The following TM7SF3 variants were observed in gnomAD, a reference collection of about 807,000 sequenced individuals.
The protein encoded by TM7SF3 is transmembrane 7 superfamily member 3, also known as seven span transmembrane protein.
TM7SF3 carries 60 observed loss-of-function variants against 65.5 expected under a neutral mutation model. The observed-to-expected ratio is 0.92, with a 90% CI of 0.74 to 1.14. The LOEUF (loss-of-function observed/expected upper bound fraction) is 1.14, where lower values mean the gene tolerates loss of function less well. Among genes scored for constraint, TM7SF3 ranks in the 50% most tolerant of loss-of-function variants. The pLI, the probability that TM7SF3 is intolerant of heterozygous loss-of-function variation, is 0.00. For synonymous variants in TM7SF3, 264 were observed against 259.6 expected (o/e 1.02, Z -0.16); for missense variants, 623 against 684.8 (o/e 0.91, Z 1.01).
At chr12:26,978,077 C>T in intron 9 of TM7SF3, 1 of 452,272 alleles carries the variant, frequency 2.2e-6, no homozygotes, top group Non-Finnish European at 4.4e-6. Flanking sequence ...GCATGGGTGA[C>T]AGAAAGAGAT....
rs1189398934 is a variant in TM7SF3 at position 26,971,772 on chromosome 12, ATTT to A, written c.*2190_*2192del. The A allele has an allele frequency of 1.3e-5, 2 of 152,194 alleles. No individual in the cohort carries two copies. Among genetic ancestry groups the A allele is most frequent in the Non-Finnish European group, 2.9e-5 (2 of 68,034 alleles). 9.4% of individuals were successfully genotyped at this position (152,194 alleles called of 1,614,324 possible). ...TATAACTTTGTCCCTACAGTAAATAATTTTTTAAAACTTTTCATCAAGTTTCAG... is the reference window on the plus strand; with the variant it reads ...TATAACTTTGTCCCTACAGTAAATAATTTAAAACTTTTCATCAAGTTTCAG... On this transcript the variant is annotated 3_prime_UTR_variant, in exon 12 of 12. Transcript: ENST00000343028.
intron 1 of TM7SF3, among the ~76,000 whole-genome samples, chr12:27,006,411 A>G (rs1941039112): frequency 6.6e-6 from 1 of 152,182 alleles, no homozygotes; most frequent in East Asian, 1.9e-4. Flanking sequence ...TGTTGGGATT[A>G]CAAGCATGAG....
chr12:26,993,641 T>C (rs950393438), intron 5 of TM7SF3, among the ~76,000 whole-genome samples: 1 of 152,216 alleles, frequency 6.6e-6, no homozygotes, highest in Non-Finnish European at 1.5e-5. Flanking sequence ...GGATGCTACT[T>C]AGACACCCTA....
chr12:27,002,797 C>G (rs1028491420), intron 2 of TM7SF3, among the ~76,000 whole-genome samples: 33 of 152,118 alleles, frequency 2.2e-4, no homozygotes, highest in Middle Eastern at 3.4e-3. Flanking sequence ...TTGTTGTTTG[C>G]GTGACAGAGT....
At chr12:27,011,231 C>A (rs1199830302) in intron 1 of TM7SF3, among the ~76,000 whole-genome samples, 1 of 152,188 alleles carries the variant, frequency 6.6e-6, no homozygotes, top group East Asian at 1.9e-4. Context: ...GAACAGCCTG[C>A]TACCTTGGTA....
chr12:26,998,743 C>T (rs1409304544), intron 3 of TM7SF3, among the ~76,000 whole-genome samples: 3 of 152,332 alleles, frequency 2.0e-5, no homozygotes, highest in Admixed American at 6.5e-5. Flanking sequence ...TCCATCCCCA[C>T]ACTACTTCTA....
Position 26,982,554 on chromosome 12 carries a change from G to A in TM7SF3, c.955+219C>T, listed in dbSNP as rs1193943221. 4.6e-5 allele frequency among the ~76,000 whole-genome samples: 7 copies of A among 152,220 alleles called. No homozygotes were observed. In the East Asian group the frequency reaches 9.6e-4, roughly 21 times the overall value. On this transcript the variant is annotated intron_variant, in intron 7 of 11. Coordinates refer to ENST00000343028, the MANE Select transcript of TM7SF3 (RefSeq NM_016551.3). Reference sequence around the variant, plus strand: ...AGCTGATAAAATTCACTGCATAATTGTATTCCCCTGTTAATAAGAGAAGGT... The same window carrying A: ...AGCTGATAAAATTCACTGCATAATTATATTCCCCTGTTAATAAGAGAAGGT...
At chr12:26,984,949 G>C (rs1055603768) in intron 6 of TM7SF3, among the ~76,000 whole-genome samples, 2 of 152,164 alleles carry the variant, frequency 1.3e-5, no homozygotes, top group South Asian at 4.1e-4. Flanking sequence ...AGGCAATATG[G>C]ATATAGTCTC....
At chr12:27,012,863 T>C (rs549793037) in intron 1 of TM7SF3, 134 of 374,496 alleles carry the variant, frequency 3.6e-4, no homozygotes, top group East Asian at 6.6e-4. Flanking sequence ...CTGGGTGTGG[T>C]GGCGGGCGCC....
chr12:26,992,936 G>T (rs1940437698), intron 5 of TM7SF3, among the ~76,000 whole-genome samples: 1 of 139,396 alleles, frequency 7.2e-6, no homozygotes, highest in Non-Finnish European at 1.5e-5. Context: ...TTGAGACAGG[G>T]TCTCACTCTG....
In TM7SF3 at chr12:26,974,220, A is replaced by G. The variant is rs370925155; in HGVS notation, c.1458T>C (p.Ile486=). The G allele has an allele frequency of 7.4e-6, 12 of 1,613,680 alleles. No homozygotes were observed. The highest frequency in any genetic ancestry group is 1.0e-5 in the Non-Finnish European group (12 of 1,179,804). ...TNVPFQTNDF[I]ILAVWGMLAV... is the part of the protein sequence containing the mutation. ...CCAGCATGCCCCATACTGCCAGGAT[A>G]ATGAAGTCTAAAAAACAGTAGAAAA... Residue 486 remains isoleucine, a synonymous_variant, in exon 12 of 12, where the codon ATT becomes ATC. Coordinates refer to ENST00000343028, the MANE Select transcript of TM7SF3 (RefSeq NM_016551.3).
intron 7 of TM7SF3, among the ~76,000 whole-genome samples, chr12:26,981,937 AACTCACTGTACACTGC>A (rs1939834523): frequency 6.6e-6 from 1 of 152,334 alleles, no homozygotes; most frequent in Non-Finnish European, 1.5e-5. Flanking sequence ...AGACATTTCA[AACTCACTGTACACTGC>A]AGCCCCATAG....
chr12:26,999,782 A>AC, intron 2 of TM7SF3, 106 bp from the exon 3 acceptor site: 1 of 1,196,152 alleles, frequency 8.4e-7, no homozygotes, highest in Non-Finnish European at 1.2e-6. Context: ...CAAAACAAAT[A>AC]GAAAAAAAAA....
intron 1 of TM7SF3, among the ~76,000 whole-genome samples, chr12:27,007,223 A>G (rs772918243): frequency 3.3e-5 from 5 of 152,202 alleles, no homozygotes; most frequent in African/African-American, 1.2e-4. Context: ...GGATTTCCCA[A>G]AAGCTACAGG....
chr12:27,012,445 C>G (rs551277792), intron 1 of TM7SF3, among the ~76,000 whole-genome samples: 1 of 152,228 alleles, frequency 6.6e-6, no homozygotes, highest in East Asian at 1.9e-4. Context: ...TGCACAAGGG[C>G]TTTTCAAAGA....
At chr12:27,009,236 C>T (rs1203000132) in intron 1 of TM7SF3, among the ~76,000 whole-genome samples, 1 of 152,164 alleles carries the variant, frequency 6.6e-6, no homozygotes, top group Admixed American at 6.5e-5. Flanking sequence ...TGATCCTTTA[C>T]ATTTCCATAT....
chr12:26,996,089 G>A (rs1940584017), intron 4 of TM7SF3, among the ~76,000 whole-genome samples: 1 of 151,716 alleles, frequency 6.6e-6, no homozygotes, highest in Admixed American at 6.6e-5. Context: ...TGAAGCAGGA[G>A]GATTGCTTGA....
At chr12:26,998,378 C>T (rs888147329) in intron 3 of TM7SF3, among the ~76,000 whole-genome samples, 2 of 152,168 alleles carry the variant, frequency 1.3e-5, no homozygotes, top group Non-Finnish European at 2.9e-5. Flanking sequence ...CACCCCTCCA[C>T]TCCAGGCCCT....
At chr12:27,003,843 C>T (rs541801334) in intron 1 of TM7SF3, among the ~76,000 whole-genome samples, 13 of 152,282 alleles carry the variant, frequency 8.5e-5, no homozygotes, top group African/African-American at 2.2e-4. Context: ...AATTTAATAC[C>T]GGTGTTTACC....
Sources: gnomAD v4.1 joint callset for allele counts (sites outside exome capture counted in the v4.1 genomes callset) on GRCh38, gnomAD v4.1.1 for gene constraint, MANE v1.5 for transcripts, NCBI Gene and HGNC (gene_info 2026-07-23, HGNC 2026-07-21) for gene names.